PIK3C2G: variants seen among roughly 807,000 people sequenced by gnomAD.
The protein encoded by PIK3C2G is phosphatidylinositol-4-phosphate 3-kinase catalytic subunit type 2 gamma, also known as phosphatidylinositol 3-kinase C2 domain-containing subunit gamma.
In PIK3C2G, 168 loss-of-function variants were observed where a neutral mutation model predicts 181.1. That is an observed-to-expected ratio of 0.93 (90% CI 0.82 to 1.05). PIK3C2G has a LOEUF of 1.05. Ranked by LOEUF, PIK3C2G falls within the 50% of genes least tolerant of loss-of-function variation. The pLI, the probability that PIK3C2G is intolerant of heterozygous loss-of-function variation, is 0.00. For missense variants in PIK3C2G, 1,869 were observed against 1,732.8 expected (o/e 1.08, Z -1.40); for synonymous variants, 573 against 592.2 (o/e 0.97, Z 0.47).
chr12:18,688,177 AGAT>A, the PIK3C2G span: 1 of 1,611,204 alleles, frequency 6.2e-7, no homozygotes, highest in South Asian at 1.1e-5. Context: ...CACCTTTGTT[AGAT>A]GATGAATGAG....
chr12:18,398,748 A>G (rs1197020688), intron 15 of PIK3C2G, among the ~76,000 whole-genome samples: 1 of 152,196 alleles, frequency 6.6e-6, no homozygotes, highest in African/African-American at 2.4e-5. Context: ...AACTAGCATC[A>G]ATGACATTTT....
intron 31 of PIK3C2G, among the ~76,000 whole-genome samples, chr12:18,623,887 C>T (rs1305358033): frequency 2.0e-5 from 3 of 151,594 alleles, no homozygotes; most frequent in East Asian, 1.9e-4. Flanking sequence ...TGATTTTGTA[C>T]CCTACAACTT....
rs150265038 is a variant in PIK3C2G at position 18,528,860 on chromosome 12, G to A, written c.3324-9296G>A. 7.4e-3 allele frequency among the ~76,000 whole-genome samples: 1,132 copies of A among 152,254 alleles called. 8 individuals carry two copies. Among genetic ancestry groups the A allele is most frequent in the Admixed American group, 0.015 (234 of 15,272 alleles). On this transcript the variant is annotated intron_variant, in intron 24 of 32. Coordinates refer to ENST00000538779, the MANE Select transcript of PIK3C2G (RefSeq NM_001288772.2). ...CAAGTGAAGAAGATCAGATTATAAA[G>A]GAAATGGTCAAAAATACCCTTTAAA...
At chr12:18,339,534 A>G (rs556902494) in intron 9 of PIK3C2G, among the ~76,000 whole-genome samples, 2 of 152,286 alleles carry the variant, frequency 1.3e-5, no homozygotes, top group South Asian at 4.1e-4. Flanking sequence ...GAATACATAC[A>G]TTCTCTATCT....
At chr12:18,248,438 G>T (rs1171844565) in intron 1 of PIK3C2G, among the ~76,000 whole-genome samples, 1 of 152,072 alleles carries the variant, frequency 6.6e-6, no homozygotes, top group African/African-American at 2.4e-5. Flanking sequence ...AGCCGGCGAG[G>T]TGGCGGGCGC....
At chr12:18,507,249 C>T (rs1030794599) in intron 24 of PIK3C2G, among the ~76,000 whole-genome samples, 1 of 151,946 alleles carries the variant, frequency 6.6e-6, no homozygotes, top group Admixed American at 6.6e-5. Flanking sequence ...AGGCTGGTCT[C>T]GAACTCCTGG....
In PIK3C2G at chr12:18,641,762, T is replaced by G. The variant is rs1413254069; in HGVS notation, c.4308+1208T>G. On this transcript the variant is annotated intron_variant, in intron 32 of 32. Transcript: ENST00000538779. Reference sequence around the variant, plus strand: ...CTCAAGCTTTTTTTTTTTTTTTTTTTTGAGATGGAGCCCTTCACTCTGTGT... The same window carrying G: ...CTCAAGCTTTTTTTTTTTTTTTTTTGTGAGATGGAGCCCTTCACTCTGTGT... 4.9e-4 allele frequency among the ~76,000 whole-genome samples: 73 copies of G among 148,976 alleles called. 1 individual carries two copies. The highest frequency in any genetic ancestry group is 1.8e-3 in the African/African-American group (72 of 39,898).
chr12:18,421,064 C>G (rs767895919), intron 17 of PIK3C2G, 30 bp downstream of exon 17: 2 of 1,205,374 alleles, frequency 1.7e-6, no homozygotes, highest in Non-Finnish European at 2.5e-6. Context: ...TAAGGAAACC[C>G]AGGGTTTTAA....
At chr12:18,557,084 C>T (rs1043459138) in intron 26 of PIK3C2G, among the ~76,000 whole-genome samples, 1 of 152,108 alleles carries the variant, frequency 6.6e-6, no homozygotes. Context: ...TACTGGATTA[C>T]ATTCAACATC....
chr12:18,261,896 A>G (rs1489699003), intron 1 of PIK3C2G, among the ~76,000 whole-genome samples: 2 of 151,722 alleles, frequency 1.3e-5, no homozygotes, highest in African/African-American at 4.8e-5. Context: ...ATAACATACC[A>G]TTTCATCAGA....
At chr12:18,552,176 G>A (rs79613171) in intron 26 of PIK3C2G, among the ~76,000 whole-genome samples, 5,652 of 152,128 alleles carry the variant, frequency 0.037, 221 homozygotes, top group African/African-American at 0.099. Flanking sequence ...ATGGACACAG[G>A]AGCCAGAATC....
chr12:18,695,051 C>T, the PIK3C2G span: 1 of 1,613,050 alleles, frequency 6.2e-7, no homozygotes, highest in Admixed American at 1.7e-5. Flanking sequence ...GATCCATGGG[C>T]AGACCAGGGG....
At position 18,460,602 on chromosome 12, in the gene PIK3C2G, TA is replaced by T. The variant is rs554308303; in HGVS notation, c.2505-27842del. Reference sequence around the variant, plus strand: ...AAATAAATAAATAAATAAATATAAATAAAAAGATTGACATCATATTCATATA... The same window carrying T: ...AAATAAATAAATAAATAAATATAAATAAAAGATTGACATCATATTCATATA... On this transcript the variant is annotated intron_variant, in intron 18 of 32. Coordinates refer to ENST00000538779, the MANE Select transcript of PIK3C2G (RefSeq NM_001288772.2). 5.5e-4 allele frequency among the ~76,000 whole-genome samples: 77 copies of T among 140,374 alleles called. No individual in the cohort carries two copies. In the East Asian group the frequency reaches 0.011, roughly 20 times the overall value. The allele number at this position is 140,374 out of a possible 152,430, so 92.1% of individuals were successfully genotyped here.
At chr12:18,398,022 T>G (rs1943998749) in intron 15 of PIK3C2G, among the ~76,000 whole-genome samples, 2 of 152,098 alleles carry the variant, frequency 1.3e-5, no homozygotes, top group African/African-American at 2.4e-5. Flanking sequence ...AAGCCATAAA[T>G]AAAAACATAT....
At chr12:18,488,395 G>C in intron 18 of PIK3C2G, 54 bp from the exon 19 acceptor site, 3 of 1,270,566 alleles carry the variant, frequency 2.4e-6, no homozygotes, top group Non-Finnish European at 3.2e-6. Context: ...GGCTGGATGT[G>C]GTTTAAAAAA....
At chr12:18,712,950 G>A in the PIK3C2G span, 35 of 1,613,940 alleles carry the variant, frequency 2.2e-5, 2 homozygotes, top group Middle Eastern at 4.5e-3. Flanking sequence ...CATCCCAGCA[G>A]TCAATCTCCA....
At chr12:18,402,095 C>G (rs1944279923) in intron 16 of PIK3C2G, among the ~76,000 whole-genome samples, 1 of 152,156 alleles carries the variant, frequency 6.6e-6, no homozygotes, top group South Asian at 2.1e-4. Flanking sequence ...CAACATTATT[C>G]ACAATAGCCA....
intron 11 of PIK3C2G, among the ~76,000 whole-genome samples, chr12:18,360,515 T>A (rs1941141815): frequency 6.6e-6 from 1 of 152,198 alleles, no homozygotes; most frequent in African/African-American, 2.4e-5. Context: ...TGCATTTCAA[T>A]TTGAAGGACA....
intron 16 of PIK3C2G, among the ~76,000 whole-genome samples, chr12:18,404,145 TA>T (rs1249311990): frequency 2.0e-5 from 3 of 152,176 alleles, no homozygotes; most frequent in Non-Finnish European, 4.4e-5. Context: ...ATTTCCAAAA[TA>T]TTTTTTTTCT....
Sources: allele counts gnomAD v4.1 joint callset (sites outside exome capture counted in the v4.1 genomes callset), GRCh38; gene constraint gnomAD v4.1.1; transcripts MANE v1.5; gene names NCBI Gene and HGNC (gene_info 2026-07-23, HGNC 2026-07-21).